PTPRA: variants seen among roughly 807,000 people sequenced by gnomAD.
PTPRA encodes receptor-type tyrosine-protein phosphatase alpha.
In PTPRA, 25 loss-of-function variants were observed where a neutral mutation model predicts 104.8. The ratio of observed to expected loss-of-function variants is 0.24; its 90% CI spans 0.17 to 0.33. The LOEUF (loss-of-function observed/expected upper bound fraction) is 0.33. PTPRA is among the 10% of genes least tolerant of loss of function. The pLI is 1.00. For missense variants in PTPRA, 765 were observed against 1,015.3 expected (o/e 0.75, Z 3.35); for synonymous variants, 323 against 368.9 (o/e 0.88, Z 1.43).
chr20:3,027,024 G>A (rs2065178792), intron 18 of PTPRA, 97 bp from the exon 19 acceptor site: 1 of 1,315,106 alleles, frequency 7.6e-7, no homozygotes, highest in Non-Finnish European at 1.1e-6. Context: ...TTGCCCAGCT[G>A]GGATTCTGTC....
At chr20:2,876,412 T>C (rs896441005) in intron 1 of PTPRA, among the ~76,000 whole-genome samples, 5 of 152,240 alleles carry the variant, frequency 3.3e-5, no homozygotes, top group South Asian at 2.1e-4. Flanking sequence ...TTTATAAATA[T>C]GTGCCTGCTT....
intron 20 of PTPRA, among the ~76,000 whole-genome samples, chr20:3,032,499 G>A (rs555521039): frequency 9.2e-5 from 14 of 152,170 alleles, no homozygotes; most frequent in Non-Finnish European, 1.5e-4. Context: ...CGGGCGCGGT[G>A]GCTCACGCCT....
At chr20:3,026,215 G>T (rs557430413) in intron 17 of PTPRA, among the ~76,000 whole-genome samples, 7 of 152,100 alleles carry the variant, frequency 4.6e-5, no homozygotes, top group Admixed American at 2.0e-4. Flanking sequence ...GGGATTACAG[G>T]CATGAGCCAC....
At chr20:2,924,901 G>A (rs995161153) in intron 2 of PTPRA, among the ~76,000 whole-genome samples, 6 of 152,070 alleles carry the variant, frequency 3.9e-5, no homozygotes, top group Non-Finnish European at 8.8e-5. Context: ...GGATGGTCTC[G>A]ATTGCCCAAC....
chr20:2,885,221 A>G (rs1005814485), intron 1 of PTPRA, among the ~76,000 whole-genome samples: 3 of 152,064 alleles, frequency 2.0e-5, no homozygotes, highest in African/African-American at 7.2e-5. Flanking sequence ...TGTTTTTTTT[A>G]ACTGTAGCCA....
At chr20:3,021,938 C>G in intron 14 of PTPRA, 116 bp from the exon 15 acceptor site, 1 of 1,337,896 alleles carries the variant, frequency 7.5e-7, no homozygotes, top group Non-Finnish European at 1.0e-6. Flanking sequence ...AACTAACTCC[C>G]CTGGGTACAC....
Position 2,965,046 on chromosome 20 carries a change from G to A in PTPRA, c.259G>A (p.Gly87Arg), listed in dbSNP as rs776687167. 6.2e-7 allele frequency: 1 copy of A among 1,614,070 alleles called. No individual in the cohort carries two copies. Among genetic ancestry groups the A allele is most frequent in the East Asian group, 2.2e-5 (1 of 44,886 alleles). ...TGTCAATTCTTCAGACTCTGACAAT[G>A]GGACCACAAGAACAGCAAGCACCAA... ...TTVNSSDSDN[G>R]TTRTASTNSI... The change falls in exon 5 of 24, where the codon GGG becomes AGG. Residue 87 changes from glycine to arginine, a missense_variant. Coordinates refer to ENST00000399903, the MANE Select transcript of PTPRA (RefSeq NM_001385305.1).
intron 9 of PTPRA, among the ~76,000 whole-genome samples, chr20:3,003,992 ATGT>A (rs556202002): frequency 1.3e-5 from 2 of 152,138 alleles, no homozygotes; most frequent in African/African-American, 2.4e-5. Flanking sequence ...TATGTGGCAG[ATGT>A]TGTTGTTCCA....
At chr20:3,032,505 C>A (rs180909616) in intron 20 of PTPRA, among the ~76,000 whole-genome samples, 3 of 152,286 alleles carry the variant, frequency 2.0e-5, no homozygotes, top group East Asian at 1.9e-4. Flanking sequence ...CGGTGGCTCA[C>A]GCCTGTAATC....
intron 1 of PTPRA, among the ~76,000 whole-genome samples, chr20:2,884,811 T>G (rs1449231945): frequency 9.3e-6 from 1 of 107,842 alleles, no homozygotes; most frequent in Non-Finnish European, 1.7e-5. Context: ...TTGTTTTTTT[T>G]GTTTTTTTTT....
chr20:2,995,691 G>A (rs962328966), intron 9 of PTPRA, among the ~76,000 whole-genome samples: 7 of 152,052 alleles, frequency 4.6e-5, no homozygotes, highest in South Asian at 2.1e-4. Context: ...TCAGCAACTC[G>A]CAAAATTTGG....
At chr20:2,977,484 A>G (rs2062485110) in intron 6 of PTPRA, among the ~76,000 whole-genome samples, 1 of 151,806 alleles carries the variant, frequency 6.6e-6, no homozygotes, top group Non-Finnish European at 1.5e-5. Context: ...TGTCTCTACT[A>G]AAAATACAAA....
At chr20:2,942,891 A>G (rs1367259183) in intron 2 of PTPRA, among the ~76,000 whole-genome samples, 2 of 152,060 alleles carry the variant, frequency 1.3e-5, no homozygotes, top group Non-Finnish European at 2.9e-5. Flanking sequence ...ATATTTTCCT[A>G]TACATACATA....
chr20:3,032,574 T>A (rs556651881), intron 20 of PTPRA, among the ~76,000 whole-genome samples: 2 of 151,656 alleles, frequency 1.3e-5, no homozygotes, highest in South Asian at 2.1e-4. Context: ...GAGACCAGCC[T>A]GGCCAACATG....
chr20:3,027,513 C>T (rs1195591820), intron 19 of PTPRA, among the ~76,000 whole-genome samples, 194 bp from the exon 20 acceptor site: 4 of 152,202 alleles, frequency 2.6e-5, no homozygotes, highest in Admixed American at 2.6e-4. Flanking sequence ...AGCTCTAATC[C>T]CTGTTCCACT....
intron 2 of PTPRA, among the ~76,000 whole-genome samples, chr20:2,928,804 C>G (rs185056874): frequency 6.7e-6 from 1 of 148,368 alleles, no homozygotes; most frequent in East Asian, 2.0e-4. Flanking sequence ...ATTGTCATAA[C>G]TTTATCTCCT....
intron 2 of PTPRA, among the ~76,000 whole-genome samples, chr20:2,936,044 A>G (rs1402605671): frequency 6.6e-6 from 1 of 151,810 alleles, no homozygotes; most frequent in Non-Finnish European, 1.5e-5. Flanking sequence ...TCGTTTGTAG[A>G]GACAGGGTCT....
At chr20:2,966,886 A>C (rs2061966781) in intron 5 of PTPRA, among the ~76,000 whole-genome samples, 1 of 152,176 alleles carries the variant, frequency 6.6e-6, no homozygotes, top group Non-Finnish European at 1.5e-5. Context: ...AATTTTAGTA[A>C]CAACATAAAA....
intron 2 of PTPRA, among the ~76,000 whole-genome samples, chr20:2,940,741 G>T (rs1005782071): frequency 6.6e-6 from 1 of 152,176 alleles, no homozygotes; most frequent in Admixed American, 6.5e-5. Flanking sequence ...CGTTTTATTA[G>T]AATATGCCAT....
Sources: allele counts gnomAD v4.1 joint callset (sites outside exome capture counted in the v4.1 genomes callset), GRCh38; gene constraint gnomAD v4.1.1; transcripts MANE v1.5; gene names NCBI Gene and HGNC (gene_info 2026-07-23, HGNC 2026-07-21).